Variants in ROR1 observed in about 807,000 individuals in gnomAD.
ROR1 encodes the protein inactive tyrosine-protein kinase transmembrane receptor ROR1.
ROR1 carries 19 observed loss-of-function variants against 78.8 expected under a neutral mutation model. That is an observed-to-expected ratio of 0.24 (90% CI 0.17 to 0.35). ROR1 has a LOEUF of 0.35. ROR1 is among the 10% of genes least tolerant of loss of function. The pLI, the probability that ROR1 is intolerant of heterozygous loss-of-function variation, is 1.00. For synonymous variants in ROR1, 386 were observed against 433.6 expected (o/e 0.89, Z 1.36); for missense variants, 917 against 1,177.8 (o/e 0.78, Z 3.24).
chr1:63,817,599 T>C (rs558808352), intron 1 of ROR1, among the ~76,000 whole-genome samples: 2 of 152,234 alleles, frequency 1.3e-5, no homozygotes, highest in East Asian at 1.9e-4. Context: ...TAAAGCACGA[T>C]TGTCTTTAAT....
intron 4 of ROR1, among the ~76,000 whole-genome samples, chr1:64,136,823 C>G (rs774638379): frequency 2.0e-5 from 3 of 152,022 alleles, no homozygotes; most frequent in Non-Finnish European, 4.4e-5. Flanking sequence ...ATGGTTTGCC[C>G]TGGTCCTCTT....
intron 1 of ROR1, among the ~76,000 whole-genome samples, chr1:64,006,591 T>G (rs1646429458): frequency 6.6e-6 from 1 of 152,210 alleles, no homozygotes; most frequent in Admixed American, 6.5e-5. Flanking sequence ...GTAGTAAGCA[T>G]TTCTCCTACT....
chr1:64,082,365 T>C (rs1355538118), intron 4 of ROR1, among the ~76,000 whole-genome samples: 5 of 152,106 alleles, frequency 3.3e-5, no homozygotes, highest in African/African-American at 1.2e-4. Flanking sequence ...ATGAGGGTAA[T>C]GGAAAAGCCA....
At chr1:63,932,750 A>G (rs1013917683) in intron 1 of ROR1, among the ~76,000 whole-genome samples, 4 of 152,176 alleles carry the variant, frequency 2.6e-5, no homozygotes, top group African/African-American at 7.2e-5. Context: ...CAGAGGCAGG[A>G]TTTGAACCTG....
chr1:63,871,770 A>C (rs1235264827), intron 1 of ROR1, among the ~76,000 whole-genome samples: 1 of 152,328 alleles, frequency 6.6e-6, no homozygotes, highest in African/African-American at 2.4e-5. Context: ...GCTTATCCCT[A>C]CTGGAGACTG....
intron 1 of ROR1, among the ~76,000 whole-genome samples, chr1:63,800,200 G>A (rs2100253151): frequency 6.6e-6 from 1 of 152,264 alleles, no homozygotes; most frequent in Middle Eastern, 3.4e-3. Context: ...CATGGATGTT[G>A]AAAATGTGAA....
chr1:63,864,442 T>C (rs1468601646), intron 1 of ROR1, among the ~76,000 whole-genome samples: 1 of 152,206 alleles, frequency 6.6e-6, no homozygotes, highest in East Asian at 1.9e-4. Flanking sequence ...TGGATTCATG[T>C]CTCAGGTGAC....
chr1:64,067,771 G>C (rs1258900180), intron 4 of ROR1, among the ~76,000 whole-genome samples: 1 of 142,440 alleles, frequency 7.0e-6, no homozygotes, highest in Non-Finnish European at 1.5e-5. Flanking sequence ...AGAGTGCAGT[G>C]GTGTGACCTC....
intron 1 of ROR1, among the ~76,000 whole-genome samples, chr1:63,805,714 T>C (rs1644824402): frequency 6.6e-6 from 1 of 152,324 alleles, no homozygotes. Flanking sequence ...CATTCCAAAG[T>C]ATAAGATGCT....
intron 8 of ROR1, among the ~76,000 whole-genome samples, chr1:64,159,845 C>G (rs927944077): frequency 6.6e-5 from 10 of 152,136 alleles, no homozygotes; most frequent in Non-Finnish European, 1.0e-4. Context: ...TTCCCTTTTG[C>G]TTTTCATCCA....
intron 1 of ROR1, among the ~76,000 whole-genome samples, chr1:63,826,485 G>T (rs1356407943): frequency 6.6e-6 from 1 of 152,040 alleles, no homozygotes; most frequent in Non-Finnish European, 1.5e-5. Flanking sequence ...TCTTTATCTA[G>T]TCTATCATTG....
intron 4 of ROR1, among the ~76,000 whole-genome samples, chr1:64,097,235 G>T (rs1368321761): frequency 6.6e-6 from 1 of 151,748 alleles, no homozygotes; most frequent in Non-Finnish European, 1.5e-5. Flanking sequence ...TTCTTGGCTA[G>T]CAGCCCTCTT....
At chr1:63,819,805 A>T (rs1307590631) in intron 1 of ROR1, among the ~76,000 whole-genome samples, 1 of 152,204 alleles carries the variant, frequency 6.6e-6, no homozygotes, top group African/African-American at 2.4e-5. Flanking sequence ...TACCTACATC[A>T]TAGTCTTATT....
chr1:63,971,809 T>C (rs996552117), intron 1 of ROR1, among the ~76,000 whole-genome samples: 5 of 151,884 alleles, frequency 3.3e-5, no homozygotes, highest in African/African-American at 1.2e-4. Context: ...GTAGGAGGAG[T>C]TGGCTCAGGC....
intron 8 of ROR1, among the ~76,000 whole-genome samples, chr1:64,164,214 T>A (rs1015094433): frequency 6.6e-6 from 1 of 152,182 alleles, no homozygotes; most frequent in Non-Finnish European, 1.5e-5. Flanking sequence ...TTTCCCAACC[T>A]GGAAGGCCCA....
At chr1:63,830,559 A>T (rs1486850950) in intron 1 of ROR1, among the ~76,000 whole-genome samples, 1 of 152,174 alleles carries the variant, frequency 6.6e-6, no homozygotes, top group East Asian at 1.9e-4. Flanking sequence ...TGAGAACAGC[A>T]TGGGGGAAAG....
chr1:64,066,501 T>C (rs1646957606), intron 4 of ROR1: 1 of 152,210 alleles, frequency 6.6e-6, no homozygotes, highest in Admixed American at 6.5e-5. Context: ...GTATTTTTAG[T>C]AGAGACGGGG....
intron 1 of ROR1, among the ~76,000 whole-genome samples, chr1:63,792,578 T>G (rs1266142639): frequency 6.6e-6 from 1 of 152,224 alleles, no homozygotes; most frequent in Non-Finnish European, 1.5e-5. Context: ...CTCTCTGGGC[T>G]TCTGTTTCCT....
At chr1:64,051,126 C>T (rs1376813412) in intron 4 of ROR1, among the ~76,000 whole-genome samples, 1 of 152,104 alleles carries the variant, frequency 6.6e-6, no homozygotes, top group Non-Finnish European at 1.5e-5. Flanking sequence ...TAGGTAATCA[C>T]TTTATTTTTT....
Sources: gnomAD v4.1 joint callset for allele counts (sites outside exome capture counted in the v4.1 genomes callset) on GRCh38, gnomAD v4.1.1 for gene constraint, MANE v1.5 for transcripts, NCBI Gene and HGNC (gene_info 2026-07-23, HGNC 2026-07-21) for gene names.